Variants in GNB5 observed in about 807,000 individuals in gnomAD.
GNB5 encodes the protein guanine nucleotide-binding protein subunit beta-5.
GNB5 carries 37 observed loss-of-function variants against 55.3 expected under a neutral mutation model. The observed-to-expected ratio is 0.67, with a 90% CI of 0.51 to 0.88. The LOEUF is 0.88. Among genes scored for constraint, GNB5 ranks in the 40% least tolerant of loss-of-function variants. The pLI is 0.00. For missense variants in GNB5, 476 were observed against 515.3 expected (o/e 0.92, Z 0.74); for synonymous variants, 219 against 198.5 (o/e 1.10, Z -0.87).
Position 52,156,921 on chromosome 15 carries a change from T to C in GNB5, c.239-2845A>G, listed in dbSNP as rs1325224682. Among the ~76,000 whole-genome samples, 3 of 152,142 alleles carry C rather than the reference T, an allele frequency of 2.0e-5. No homozygotes were observed. The East Asian group carries it at 5.8e-4, about 29-fold the overall frequency. The stretch of plus-strand genomic sequence containing the variant: ...ACATCGAATGAAGTTTAAAAATAGA[T>C]TGAATTTTCCAAATTCTTTTTTTTT... On this transcript the variant is annotated intron_variant, in intron 3 of 12. Coordinates refer to ENST00000261837, the MANE Select transcript of GNB5 (RefSeq NM_016194.4).
intron 10 of GNB5, among the ~76,000 whole-genome samples, chr15:52,126,568 G>T (rs1433887173): frequency 6.6e-6 from 1 of 152,078 alleles, no homozygotes; most frequent in Admixed American, 6.6e-5. Context: ...AAAACATTAT[G>T]TACATAGTTA....
chr15:52,145,487 A>G (rs1030336984), intron 6 of GNB5, among the ~76,000 whole-genome samples: 3 of 150,914 alleles, frequency 2.0e-5, no homozygotes, highest in South Asian at 4.2e-4. Context: ...AAAAAAAAAA[A>G]TACAAAAATT....
chr15:52,147,157 T>C, intron 6 of GNB5: 1 of 251,692 alleles, frequency 4.0e-6, no homozygotes, highest in South Asian at 5.0e-5. Context: ...AAGAGAGTTT[T>C]ATGGTTTTGT....
intron 3 of GNB5, among the ~76,000 whole-genome samples, chr15:52,166,714 G>T (rs931439722): frequency 6.6e-6 from 1 of 152,126 alleles, no homozygotes; most frequent in Non-Finnish European, 1.5e-5. Context: ...AGCACTAAAT[G>T]TCTATATTAG....
At chr15:52,160,543 G>C (rs1053922567) in intron 3 of GNB5, among the ~76,000 whole-genome samples, 6 of 152,224 alleles carry the variant, frequency 3.9e-5, no homozygotes, top group Non-Finnish European at 8.8e-5. Flanking sequence ...GAGGGGTTGT[G>C]AATGGAGAGA....
chr15:52,118,957 G>A lies in GNB5; in HGVS notation c.*3800C>T, dbSNP rs1215524567. The A allele has an allele frequency of 6.8e-6, 1 of 147,096 alleles. No homozygotes were observed. Among genetic ancestry groups the A allele is most frequent in the Non-Finnish European group, 1.5e-5 (1 of 67,226 alleles). The allele number at this position is 147,096 out of a possible 1,614,324, so 9.1% of individuals were successfully genotyped here. A position where few individuals can be genotyped will look rare whatever the true frequency, so the allele number is the denominator to read the frequency against. On this transcript the variant is annotated 3_prime_UTR_variant, in exon 13 of 13. Transcript: ENST00000261837. ...GCCCAGACGAAGCTCTAACTGATGA[G>A]AATTACTAATTTGCTATATGAGTGG...
intron 3 of GNB5, among the ~76,000 whole-genome samples, chr15:52,166,273 G>C (rs1456965691): frequency 6.6e-6 from 1 of 152,152 alleles, no homozygotes. Context: ...GGCAACATTA[G>C]ACAGATCATT....
intron 4 of GNB5, among the ~76,000 whole-genome samples, chr15:52,152,912 A>G (rs1291754348): frequency 1.3e-5 from 2 of 152,252 alleles, no homozygotes; most frequent in Non-Finnish European, 2.9e-5. Flanking sequence ...GGCATGAGCC[A>G]CTATAACCAG....
At chr15:52,140,496 T>C (rs536027485) in intron 7 of GNB5, among the ~76,000 whole-genome samples, 5 of 152,322 alleles carry the variant, frequency 3.3e-5, no homozygotes, top group Admixed American at 1.3e-4. Context: ...CCAACCATTA[T>C]TGGTTTTCAT....
In GNB5 at chr15:52,133,404, T is replaced by C. The variant is rs745865097; in HGVS notation, c.837A>G (p.Thr279=). Residue 279 remains threonine (T), a synonymous_variant, in exon 9 of 13, where the codon ACA becomes ACG. Transcript: ENST00000261837. ...RSGQCVQAFE[T]HESDINSVRY... is the part of the protein sequence containing the mutation. ...GGACACTGTTGATGTCAGATTCATGTGTTTCAAAGGCCTGCACGCACTGGC... is the reference window on the plus strand; with the variant it reads ...GGACACTGTTGATGTCAGATTCATGCGTTTCAAAGGCCTGCACGCACTGGC... The C allele has an allele frequency of 1.7e-5, 27 of 1,609,808 alleles. No individual in the cohort carries two copies. In the South Asian group the frequency reaches 3.0e-4, roughly 18 times the overall value.
intron 5 of GNB5, chr15:52,149,544 G>C (rs2034047357): frequency 1.8e-6 from 1 of 569,888 alleles, no homozygotes; most frequent in Non-Finnish European, 3.1e-6. Flanking sequence ...AGAGAGAATG[G>C]AGAATTTTGG....
intron 6 of GNB5, among the ~76,000 whole-genome samples, chr15:52,146,875 G>A (rs1365040686): frequency 2.0e-5 from 3 of 150,532 alleles, no homozygotes; most frequent in South Asian, 4.2e-4. Flanking sequence ...GAGTCACCAC[G>A]CCTGGTACTT....
intron 5 of GNB5, among the ~76,000 whole-genome samples, chr15:52,149,024 A>G (rs1461165663): frequency 1.3e-5 from 2 of 152,230 alleles, no homozygotes; most frequent in Non-Finnish European, 2.9e-5. Flanking sequence ...CCAAGGAGCT[A>G]GGCGCTGTAT....
At chr15:52,137,981 G>T (rs140678468) in intron 7 of GNB5, 59 of 1,285,276 alleles carry the variant, frequency 4.6e-5, no homozygotes, top group Non-Finnish European at 4.1e-6. Context: ...CTTATGCACC[G>T]CTAGCATGCA....
At chr15:52,146,114 G>A (rs1412563913) in intron 6 of GNB5, among the ~76,000 whole-genome samples, 2 of 151,840 alleles carry the variant, frequency 1.3e-5, no homozygotes, top group East Asian at 1.9e-4. Flanking sequence ...CCGCCACCGT[G>A]CCCGGCTAAT....
In GNB5 at chr15:52,135,626, G is replaced by T. The variant is rs780048321; in HGVS notation, c.758C>A (p.Thr253Asn). Reference sequence around the variant, plus strand: ...CTGGGTCTTTACCCCAGACACGAAGGTGTTTCCAGTTTCTGAGGGGGCCAG... The same window carrying T: ...CTGGGTCTTTACCCCAGACACGAAGTTGTTTCCAGTTTCTGAGGGGGCCAG... ...LDLAPSETGN[T>N]FVSGGCDKKA... The change falls in exon 8 of 13, where the codon ACC becomes AAC. Residue 253 changes from threonine to asparagine, a missense_variant. Physicochemically the swap from Thr to Asn is moderately conservative, Grantham distance 65. Transcript: ENST00000261837. 3.1e-6 allele frequency: 5 copies of T among 1,613,722 alleles called. No homozygotes were observed. Among genetic ancestry groups the T allele is most frequent in the Non-Finnish European group, 4.2e-6 (5 of 1,179,830 alleles).
In GNB5 at chr15:52,119,951, T is replaced by C. The variant is rs2033226018; in HGVS notation, c.*2806A>G. ...AGGTAGAAGAGCGGGAAGAGGGCAG[T>C]GGCAACGGGATGCCCACCTCTGGCT... On this transcript the variant is annotated 3_prime_UTR_variant, in exon 13 of 13. Transcript: ENST00000261837. 1 of 152,334 alleles carries C rather than the reference T, an allele frequency of 6.6e-6. No individual in the cohort carries two copies. The highest frequency in any genetic ancestry group is 2.4e-5 in the African/African-American group (1 of 41,432). The allele number at this position is 152,334 out of a possible 1,614,324, so 9.4% of individuals were successfully genotyped here. A position where few individuals can be genotyped will look rare whatever the true frequency, so the allele number is the denominator to read the frequency against.
intron 6 of GNB5, among the ~76,000 whole-genome samples, chr15:52,142,015 G>C (rs944621024): frequency 5.9e-5 from 9 of 152,206 alleles, no homozygotes; most frequent in Non-Finnish European, 1.3e-4. Flanking sequence ...TAGATTGGCT[G>C]TTTATAGAAT....
At chr15:52,190,843 TAGA>T (rs1596118377) in intron 1 of GNB5, among the ~76,000 whole-genome samples, 1 of 127,584 alleles carries the variant, frequency 7.8e-6, no homozygotes, top group East Asian at 2.1e-4. Flanking sequence ...CAGCTATTCA[TAGA>T]AGGCCTAAAC....
Sources: allele counts gnomAD v4.1 joint callset (sites outside exome capture counted in the v4.1 genomes callset), GRCh38; gene constraint gnomAD v4.1.1; transcripts MANE v1.5; gene names NCBI Gene and HGNC (gene_info 2026-07-23, HGNC 2026-07-21).